Variants in ZNF469 observed in about 807,000 individuals in gnomAD.
ZNF469 encodes the protein zinc finger protein 469.
ZNF469 carries 1 observed loss-of-function variant against 1.0 expected under a neutral mutation model. That is an observed-to-expected ratio of 1.00 (90% CI 0.35 to 4.73). The LOEUF (loss-of-function observed/expected upper bound fraction) is 4.73. Ranked by LOEUF, ZNF469 falls within the 30% of genes most tolerant of loss-of-function variation. The pLI, the probability that ZNF469 is intolerant of heterozygous loss-of-function variation, is 0.16. For missense variants in ZNF469, 6,100 were observed against 5,356.3 expected (o/e 1.14, Z -4.33); for synonymous variants, 2,703 against 2,363.4 (o/e 1.14, Z -4.17).
At chr16:88,367,023 CCAA>C in the ZNF469 span, among the ~76,000 whole-genome samples, 3 of 152,174 alleles carry the variant, frequency 2.0e-5, no homozygotes, top group Non-Finnish European at 4.4e-5. Flanking sequence ...ACCACCACCA[CCAA>C]CATCATCACC....
At chr16:88,395,495 A>G (rs998446117) in intron 1 of ZNF469, among the ~76,000 whole-genome samples, 1 of 152,100 alleles carries the variant, frequency 6.6e-6, no homozygotes, top group Non-Finnish European at 1.5e-5. Context: ...AATTGTATAT[A>G]TGTACAAATA....
At chr16:88,186,463 G>T in the ZNF469 span, among the ~76,000 whole-genome samples, 3 of 152,208 alleles carry the variant, frequency 2.0e-5, no homozygotes, top group African/African-American at 7.2e-5. Flanking sequence ...AGGTGAGCCA[G>T]GCTCCCATCA....
At chr16:88,373,201 A>G in the ZNF469 span, among the ~76,000 whole-genome samples, 52 of 152,314 alleles carry the variant, frequency 3.4e-4, 2 homozygotes, top group East Asian at 8.5e-3. Flanking sequence ...AGGAAACAAG[A>G]CTTGCCCAAA....
At chr16:88,118,454 C>T in the ZNF469 span, among the ~76,000 whole-genome samples, 1 of 152,160 alleles carries the variant, frequency 6.6e-6, no homozygotes, top group Non-Finnish European at 1.5e-5. Flanking sequence ...CTGGTCCTGC[C>T]CGCCGTGGGC....
chr16:88,366,423 C>A, the ZNF469 span, among the ~76,000 whole-genome samples: 1 of 151,612 alleles, frequency 6.6e-6, no homozygotes, highest in Non-Finnish European at 1.5e-5. Context: ...CCACCATCAT[C>A]ACTATTGTCA....
chr16:88,380,478 CAT>C (rs1291281851), upstream of ZNF469, among the ~76,000 whole-genome samples: 2 of 148,256 alleles, frequency 1.3e-5, no homozygotes, highest in Non-Finnish European at 3.0e-5. Context: ...TGCACTCACA[CAT>C]ACGTGCACAC....
At chr16:88,158,930 C>T in the ZNF469 span, among the ~76,000 whole-genome samples, 2 of 152,100 alleles carry the variant, frequency 1.3e-5, no homozygotes, top group East Asian at 1.9e-4. Context: ...CCCCAGACCT[C>T]GCTGGGGCAG....
chr16:88,128,700 A>AC, the ZNF469 span, among the ~76,000 whole-genome samples: 1 of 152,100 alleles, frequency 6.6e-6, no homozygotes, highest in Non-Finnish European at 1.5e-5. Flanking sequence ...GGTCACGTAA[A>AC]CCCCTCTAGG....
chr16:88,149,461 C>A, the ZNF469 span, among the ~76,000 whole-genome samples: 1 of 152,238 alleles, frequency 6.6e-6, no homozygotes, highest in Non-Finnish European at 1.5e-5. Flanking sequence ...TGTCTCTGTG[C>A]AACCGCAGCC....
chr16:88,385,092 C>T (rs890228794), intron 1 of ZNF469, among the ~76,000 whole-genome samples: 38 of 152,292 alleles, frequency 2.5e-4, no homozygotes, highest in African/African-American at 8.2e-4. Context: ...CTTGACATTC[C>T]TGGTCAGGCC....
the ZNF469 span, among the ~76,000 whole-genome samples, chr16:88,333,884 GTGTC>G: frequency 4.6e-5 from 7 of 151,524 alleles, no homozygotes; most frequent in African/African-American, 9.7e-5. Context: ...GTGTGTTTGT[GTGTC>G]TGTGTGTGTG....
chr16:88,411,522 G>C (rs12446792), intron 1 of ZNF469, among the ~76,000 whole-genome samples: 2 of 33,740 alleles, frequency 5.9e-5, no homozygotes, highest in African/African-American at 1.5e-4. Context: ...GCAGGGGTGC[G>C]AGCGGGCAGG....
the ZNF469 span, among the ~76,000 whole-genome samples, chr16:88,159,916 G>T: frequency 2.1e-4 from 32 of 152,296 alleles, no homozygotes; most frequent in African/African-American, 7.2e-4. Context: ...TCCTGCAGAA[G>T]AGCTGCCTCC....
At chr16:88,338,345 CG>C in the ZNF469 span, among the ~76,000 whole-genome samples, 23 of 152,142 alleles carry the variant, frequency 1.5e-4, no homozygotes, top group Admixed American at 1.0e-3. Context: ...ATGTCTGCCC[CG>C]GCAAGAGAGG....
the ZNF469 span, among the ~76,000 whole-genome samples, chr16:88,355,041 C>T: frequency 3.7e-4 from 55 of 148,558 alleles, no homozygotes; most frequent in African/African-American, 1.2e-3. Context: ...ACTCAGGGAA[C>T]GTGGGCTCGC....
At chr16:88,292,283 G>A in the ZNF469 span, among the ~76,000 whole-genome samples, 8 of 152,150 alleles carry the variant, frequency 5.3e-5, no homozygotes, top group Non-Finnish European at 8.8e-5. Context: ...CCCCAGCACC[G>A]AGGACCATGC....
At chr16:88,382,548 C>T (rs913382486), upstream of ZNF469, among the ~76,000 whole-genome samples, 4 of 152,222 alleles carry the variant, frequency 2.6e-5, no homozygotes, top group African/African-American at 9.6e-5. Flanking sequence ...ACTTGAGCCA[C>T]TCAAACCGAA....
chr16:88,198,880 A>G, the ZNF469 span, among the ~76,000 whole-genome samples: 2 of 152,350 alleles, frequency 1.3e-5, no homozygotes, highest in Non-Finnish European at 1.5e-5. Flanking sequence ...TGTGGCTCAC[A>G]TTGGGTCAGC....
At chr16:88,286,871 G>A in the ZNF469 span, among the ~76,000 whole-genome samples, 1 of 152,116 alleles carries the variant, frequency 6.6e-6, no homozygotes, top group Non-Finnish European at 1.5e-5. Flanking sequence ...TGAGGCCCTC[G>A]ACTCCCAGAT....
Sources: allele counts gnomAD v4.1 joint callset (sites outside exome capture counted in the v4.1 genomes callset), GRCh38; gene constraint gnomAD v4.1.1; transcripts MANE v1.5; gene names NCBI Gene and HGNC (gene_info 2026-07-23, HGNC 2026-07-21).